MGA: variants seen among roughly 807,000 people sequenced by gnomAD.
MGA encodes MAX gene-associated protein.
Under a neutral mutation model 261.1 loss-of-function variants are expected in MGA, and 40 were observed. The observed-to-expected ratio is 0.15, with a 90% CI of 0.12 to 0.20. The LOEUF (loss-of-function observed/expected upper bound fraction) is 0.20, where lower values mean the gene tolerates loss of function less well. MGA is among the 10% of genes least tolerant of loss of function. The probability of loss-of-function intolerance (pLI) is 1.00; values close to 1 mark genes in which losing one functional copy is unlikely to be tolerated. For synonymous variants in MGA, 1,302 were observed against 1,290.6 expected, an observed-to-expected ratio of 1.01 and a Z score of -0.19; for missense variants, 3,397 against 3,630.5, an observed-to-expected ratio of 0.94 and a Z score of 1.65.
chr15:41,630,047 C>G (rs886933080), intron 1 of MGA, among the ~76,000 whole-genome samples: 1 of 152,212 alleles, frequency 6.6e-6, no homozygotes, highest in Non-Finnish European at 1.5e-5. Flanking sequence ...AACCCCCAGA[C>G]TTCTTCGCTT....
intron 9 of MGA, among the ~76,000 whole-genome samples, chr15:41,717,334 C>T (rs2060695572): frequency 6.6e-6 from 1 of 151,942 alleles, no homozygotes; most frequent in East Asian, 1.9e-4. Flanking sequence ...TTTCTTAGCC[C>T]ACTTAATATA....
chr15:41,729,994 G>A (rs1220362298), intron 11 of MGA, among the ~76,000 whole-genome samples: 2 of 152,020 alleles, frequency 1.3e-5, no homozygotes, highest in Admixed American at 6.5e-5. Flanking sequence ...TTGGGTACAA[G>A]CAATTCTCCT....
In MGA at chr15:41,743,179, C is replaced by A; in HGVS notation, c.5212+7C>A. 1 of 1,596,858 alleles carries A rather than the reference C, an allele frequency of 6.3e-7. No homozygotes were observed. The highest frequency in any genetic ancestry group is 1.1e-5 in the South Asian group (1 of 89,214). On this transcript the variant is annotated splice_region_variant and intron_variant, in intron 15 of 23. Coordinates refer to ENST00000219905, the MANE Select transcript of MGA (RefSeq NM_001164273.2). Reference sequence around the variant, plus strand: ...CCAGTGAGCCAGAGACCAGGTAAGGCCTAGATGTTACTAGCTGCTTTATTT... The same window carrying A: ...CCAGTGAGCCAGAGACCAGGTAAGGACTAGATGTTACTAGCTGCTTTATTT...
Position 41,696,168 on chromosome 15 carries a change from A to G in MGA, c.1158A>G (p.Leu386=), listed in dbSNP as rs910673825. 13 of 1,614,014 alleles carry G rather than the reference A, an allele frequency of 8.1e-6. No individual in the cohort carries two copies. Among genetic ancestry groups the G allele is most frequent in the Non-Finnish European group, 1.1e-5 (13 of 1,179,896 alleles). Residue 386 remains leucine, a synonymous_variant, in exon 3 of 24, where the codon CTA becomes CTG. Coordinates refer to ENST00000219905, the MANE Select transcript of MGA (RefSeq NM_001164273.2). ...ATGTTGTTATTAAAGAGGAACCTCT[A>G]GATGATTATGACTACGAACTTGGTG... is the stretch of plus-strand genomic sequence containing the variant.
At chr15:41,715,762 T>C (rs956553593) in intron 9 of MGA, among the ~76,000 whole-genome samples, 1 of 152,198 alleles carries the variant, frequency 6.6e-6, no homozygotes, top group African/African-American at 2.4e-5. Context: ...AAGTGAGATA[T>C]AGTGTATTTA....
chr15:41,655,679 A>G (rs76260492), upstream of MGA, among the ~76,000 whole-genome samples: 324 of 152,318 alleles, frequency 2.1e-3, 12 homozygotes, highest in East Asian at 0.05. Flanking sequence ...TGGGCAGTCA[A>G]TAAGACTTTC....
chr15:41,766,649 C>T lies in MGA; in HGVS notation c.8567C>T (p.Pro2856Leu), dbSNP rs2063811435. 6.2e-7 allele frequency: 1 copy of T among 1,613,992 alleles called. No homozygotes were observed. The highest frequency in any genetic ancestry group is 8.5e-7 in the Non-Finnish European group (1 of 1,179,894). The change falls in exon 24 of 24, where the codon CCA becomes CTA. Residue 2856 changes from proline (P) to leucine (L), a missense_variant. Pro to Leu is a moderately conservative substitution (Grantham distance 98). This residue lies in a region of MGA where 647 missense variants were observed against 642.4 expected (regional missense o/e 1.01). Transcript: ENST00000219905. ...CCCAGCTCTATGGATACAGAGTTCC[C>T]AGGGGATGCTCGGCGGGCTTTTATT... is the stretch of plus-strand genomic sequence containing the variant.
rs770978498 is a variant in MGA, at chr15:41,766,743, G to T, written c.8661G>T (p.Leu2887Phe). Reference sequence around the variant, plus strand: ...ACTTGGGAACTGGTTTGAAAGAGTTGCCTGATGTTCAAGGGGAGAGTGACT... The same window carrying T: ...ACTTGGGAACTGGTTTGAAAGAGTTTCCTGATGTTCAAGGGGAGAGTGACT... The change falls in exon 24 of 24, where the codon TTG (leucine) becomes TTT (phenylalanine). Residue 2887 changes from leucine to phenylalanine, a missense_variant. Coordinates refer to ENST00000219905, the MANE Select transcript of MGA (RefSeq NM_001164273.2). 3.7e-6 allele frequency: 6 copies of T among 1,613,928 alleles called. No individual in the cohort carries two copies. The highest frequency in any genetic ancestry group is 1.1e-5 in the South Asian group (1 of 91,068).
chr15:41,691,689 G>T (rs1197218417), intron 2 of MGA: 2 of 481,766 alleles, frequency 4.2e-6, no homozygotes, highest in Non-Finnish European at 8.8e-6. Flanking sequence ...CTTTTGGTAG[G>T]TATAGAACAT....
chr15:41,629,344 CAG>C (rs1336819977), intron 1 of MGA, among the ~76,000 whole-genome samples: 1 of 152,012 alleles, frequency 6.6e-6, no homozygotes, highest in Admixed American at 6.6e-5. Flanking sequence ...AGATGGGAAA[CAG>C]GAAGGAGCTA....
At position 41,749,857 on chromosome 15, in the gene MGA, C is replaced by T. The variant is rs1168316270; in HGVS notation, c.6250C>T (p.Leu2084=). Residue 2084 remains leucine (L), a synonymous_variant, in exon 17 of 24, where the codon CTG becomes TTG. Coordinates refer to ENST00000219905, the MANE Select transcript of MGA (RefSeq NM_001164273.2). ...GAGTTCCAAAGAAAAAGTGGCTGTT[C>T]TGGAAGTTAGGACCATTTCTGAAAA... is the stretch of plus-strand genomic sequence containing the variant. 4 of 1,613,718 alleles carry T rather than the reference C, an allele frequency of 2.5e-6. No individual in the cohort carries two copies. The highest frequency in any genetic ancestry group is 3.4e-6 in the Non-Finnish European group (4 of 1,179,898).
intron 10 of MGA, among the ~76,000 whole-genome samples, 188 bp downstream of exon 10, chr15:41,727,594 T>C (rs2061316556): frequency 6.6e-6 from 1 of 152,184 alleles, no homozygotes; most frequent in African/African-American, 2.4e-5. Flanking sequence ...AAAGTAGAAA[T>C]GAGTAGTAGT....
Position 41,765,134 on chromosome 15 carries a change from G to C in MGA, c.7921+72G>C, listed in dbSNP as rs1596033880. On this transcript the variant is annotated intron_variant, in intron 23 of 23. Coordinates refer to ENST00000219905, the MANE Select transcript of MGA (RefSeq NM_001164273.2). ...TAACATCTCACGGTGACCAAGGAAG[G>C]CTTTGGATGTGTTCTGTAATGATAA... The C allele has an allele frequency of 8.6e-6, 13 of 1,514,794 alleles. No homozygotes were observed. The Admixed American group carries it at 1.9e-4, about 22-fold the overall frequency. 93.8% of individuals were successfully genotyped at this position (1,514,794 alleles called of 1,614,324 possible). A position where few individuals can be genotyped will look rare whatever the true frequency, so the allele number is the denominator to read the frequency against.
At chr15:41,713,800 GCA>G (rs145976724) in intron 9 of MGA, among the ~76,000 whole-genome samples, 3 of 152,098 alleles carry the variant, frequency 2.0e-5, no homozygotes, top group South Asian at 2.1e-4. Flanking sequence ...GTGCGCATGT[GCA>G]CACACACACA....
Position 41,743,096 on chromosome 15 carries a change from A to G in MGA, c.5136A>G (p.Thr1712=). 1 of 1,613,954 alleles carries G rather than the reference A, an allele frequency of 6.2e-7. No individual in the cohort carries two copies. The highest frequency in any genetic ancestry group is 2.2e-5 in the East Asian group (1 of 44,882). ...CTGCATCTTCCTCCATGGTGACCACACCAACTTCATCTCTGGGCTCTGTTC... is the reference window on the plus strand; with the variant it reads ...CTGCATCTTCCTCCATGGTGACCACGCCAACTTCATCTCTGGGCTCTGTTC... The change falls in exon 15 of 24, where the codon ACA becomes ACG. Residue 1712 remains threonine (T), a synonymous_variant. Coordinates refer to ENST00000219905, the MANE Select transcript of MGA (RefSeq NM_001164273.2).
intron 15 of MGA, among the ~76,000 whole-genome samples, chr15:41,746,815 G>A (rs1336752053): frequency 6.6e-6 from 1 of 151,018 alleles, no homozygotes; most frequent in Non-Finnish European, 1.5e-5. Flanking sequence ...TTTCTCTTCA[G>A]TAGCAGACTT....
chr15:41,757,303 T>C (rs1316176972), intron 18 of MGA, among the ~76,000 whole-genome samples: 1 of 152,190 alleles, frequency 6.6e-6, no homozygotes, highest in East Asian at 1.9e-4. Context: ...GCATCTGTAT[T>C]GAACATGTAT....
At chr15:41,660,200 C>T (rs2057305754), upstream of MGA, among the ~76,000 whole-genome samples, 1 of 152,210 alleles carries the variant, frequency 6.6e-6, no homozygotes, top group African/African-American at 2.4e-5. Flanking sequence ...GTTCTAGAAC[C>T]TTCAGTAGGC....
chr15:41,709,924 C>T (rs2060305452), intron 7 of MGA, among the ~76,000 whole-genome samples: 1 of 151,626 alleles, frequency 6.6e-6, no homozygotes, highest in Non-Finnish European at 1.5e-5. Context: ...CGGGTTCAAG[C>T]AATTCTCCTG....
Sources: gnomAD v4.1 joint callset for allele counts (sites outside exome capture counted in the v4.1 genomes callset) on GRCh38, gnomAD v4.1.1 for gene constraint, gnomAD v4.1.1 regional missense constraint, MANE v1.5 for transcripts, NCBI Gene and HGNC (gene_info 2026-07-23, HGNC 2026-07-21) for gene names.